The following CTNNA2 variants were observed in gnomAD, a reference collection of about 807,000 sequenced individuals.
CTNNA2 encodes the protein catenin alpha 2.
A neutral mutation model predicts 101.0 loss-of-function variants in CTNNA2; 42 were observed. The ratio of observed to expected loss-of-function variants is 0.42; its 90% CI spans 0.32 to 0.54. The LOEUF is 0.54. CTNNA2 is among the 20% of genes least tolerant of loss of function. The pLI is 0.14. For missense variants in CTNNA2, 871 were observed against 1,223.1 expected (o/e 0.71, Z 4.29); for synonymous variants, 450 against 456.4 (o/e 0.99, Z 0.18).
chr2:79,634,404 G>A (rs955839227), intron 1 of CTNNA2: 1 of 152,252 alleles, frequency 6.6e-6, no homozygotes, highest in Middle Eastern at 3.4e-3. Flanking sequence ...CTATTTTGTG[G>A]ATAGGTTTGT....
chr2:79,886,720 C>T (rs1440257273), intron 6 of CTNNA2, among the ~76,000 whole-genome samples: 1 of 108,590 alleles, frequency 9.2e-6, no homozygotes, highest in Non-Finnish European at 1.7e-5. Flanking sequence ...CACTGCACTC[C>T]AGCCTGGGTG....
intron 18 of CTNNA2, among the ~76,000 whole-genome samples, chr2:80,620,180 T>C (rs1032652869): frequency 4.6e-5 from 7 of 151,832 alleles, no homozygotes; most frequent in African/African-American, 1.4e-4. Context: ...CCCTGTTTTT[T>C]TCTTAGGGTG....
chr2:79,519,549 T>G (rs12713988), intron 1 of CTNNA2, among the ~76,000 whole-genome samples: 52,287 of 152,048 alleles, frequency 0.34, 9,385 homozygotes, highest in East Asian at 0.4. Flanking sequence ...TGACTTAGAC[T>G]TATATCTAGC....
intron 3 of CTNNA2, among the ~76,000 whole-genome samples, chr2:79,839,846 T>C (rs1243768745): frequency 1.3e-5 from 2 of 152,168 alleles, no homozygotes; most frequent in Non-Finnish European, 2.9e-5. Flanking sequence ...CCTATACTTA[T>C]ATTATCTGAA....
intron 7 of CTNNA2, among the ~76,000 whole-genome samples, chr2:80,194,132 A>G (rs1047874386): frequency 6.6e-6 from 1 of 152,208 alleles, no homozygotes; most frequent in Admixed American, 6.5e-5. Context: ...CAGTGTAATT[A>G]GTGCCCTCAG....
chr2:80,602,249 A>G (rs943174119), intron 15 of CTNNA2, among the ~76,000 whole-genome samples: 4 of 152,056 alleles, frequency 2.6e-5, no homozygotes, highest in African/African-American at 7.2e-5. Context: ...GGTGTAATCA[A>G]AAAGACATGC....
intron 7 of CTNNA2, among the ~76,000 whole-genome samples, chr2:80,066,385 A>G (rs979146487): frequency 2.6e-5 from 4 of 151,306 alleles, no homozygotes; most frequent in African/African-American, 9.7e-5. Context: ...AAAAAAAAAA[A>G]TCAATAGCAC....
chr2:80,517,666 T>C (rs1388173349), intron 9 of CTNNA2, among the ~76,000 whole-genome samples: 1 of 152,178 alleles, frequency 6.6e-6, no homozygotes, highest in Non-Finnish European at 1.5e-5. Context: ...GTAGAGAGAA[T>C]GTCTAGAGCC....
chr2:79,376,530 A>G (rs1464776689), intron 4 of CTNNA2, among the ~76,000 whole-genome samples: 2 of 151,852 alleles, frequency 1.3e-5, no homozygotes, highest in Non-Finnish European at 2.9e-5. Context: ...ACATGTGCAC[A>G]ACGTGCAGGT....
chr2:80,391,351 G>A (rs1677497064), intron 7 of CTNNA2, among the ~76,000 whole-genome samples: 1 of 151,922 alleles, frequency 6.6e-6, no homozygotes, highest in South Asian at 2.1e-4. Context: ...CCAGAGTCTG[G>A]CATTTACATT....
chr2:80,291,874 A>T (rs1398681532), intron 7 of CTNNA2, among the ~76,000 whole-genome samples: 1 of 152,206 alleles, frequency 6.6e-6, no homozygotes, highest in Non-Finnish European at 1.5e-5. Flanking sequence ...GCCAGACCAC[A>T]GTGGTAAAGG....
chr2:80,129,843 C>G (rs1019196541), intron 7 of CTNNA2, among the ~76,000 whole-genome samples: 1 of 152,138 alleles, frequency 6.6e-6, no homozygotes, highest in Non-Finnish European at 1.5e-5. Flanking sequence ...TTCTGCCCAT[C>G]TAGTGCAAGT....
At chr2:80,490,038 A>T (rs556602597) in intron 9 of CTNNA2, among the ~76,000 whole-genome samples, 2 of 152,326 alleles carry the variant, frequency 1.3e-5, no homozygotes, top group Admixed American at 6.5e-5. Context: ...ATTACTAAGC[A>T]AAACAGTTAT....
intron 7 of CTNNA2, among the ~76,000 whole-genome samples, chr2:80,130,978 G>A (rs1162649157): frequency 1.3e-5 from 2 of 150,786 alleles, no homozygotes; most frequent in Non-Finnish European, 3.0e-5. Flanking sequence ...AAAAAAAAAA[G>A]AGAAGAATTG....
chr2:79,805,152 C>G (rs6708753), intron 3 of CTNNA2, among the ~76,000 whole-genome samples: 1 of 151,978 alleles, frequency 6.6e-6, no homozygotes, highest in Non-Finnish European at 1.5e-5. Context: ...GTAATAAGCC[C>G]AAGGGGACTA....
intron 9 of CTNNA2, among the ~76,000 whole-genome samples, chr2:80,528,476 G>A (rs1198805777): frequency 2.6e-5 from 4 of 152,066 alleles, no homozygotes; most frequent in Admixed American, 6.6e-5. Context: ...GATTACAGGC[G>A]TGAGCCACCG....
chr2:80,264,332 A>G (rs1672842258), intron 7 of CTNNA2, among the ~76,000 whole-genome samples: 1 of 152,160 alleles, frequency 6.6e-6, no homozygotes, highest in South Asian at 2.1e-4. Flanking sequence ...TTATTTCCAT[A>G]AACGAGCCCA....
intron 9 of CTNNA2, among the ~76,000 whole-genome samples, chr2:80,443,543 G>T (rs1682789330): frequency 6.6e-6 from 1 of 152,186 alleles, no homozygotes; most frequent in African/African-American, 2.4e-5. Context: ...GGAATCAGGA[G>T]ATCTGTGGTC....
chr2:79,476,691 T>G (rs761839933), intron 4 of CTNNA2, among the ~76,000 whole-genome samples: 1 of 152,234 alleles, frequency 6.6e-6, no homozygotes, highest in Non-Finnish European at 1.5e-5. Flanking sequence ...GGCCCATTGT[T>G]ACTTCTCTGA....
Sources: allele counts gnomAD v4.1 joint callset (sites outside exome capture counted in the v4.1 genomes callset), GRCh38; gene constraint gnomAD v4.1.1; transcripts MANE v1.5; gene names NCBI Gene and HGNC (gene_info 2026-07-23, HGNC 2026-07-21).